WASF3: variants seen among roughly 807,000 people sequenced by gnomAD.
WASF3 encodes the protein actin-binding protein WASF3.
Under a neutral mutation model 46.6 loss-of-function variants are expected in WASF3, and 11 were observed. The observed-to-expected ratio is 0.24, with a 90% CI of 0.15 to 0.39. The LOEUF (loss-of-function observed/expected upper bound fraction) is 0.39. Among genes scored for constraint, WASF3 ranks in the 10% least tolerant of loss-of-function variants. The pLI is 1.00. For missense variants in WASF3, 576 were observed against 669.8 expected, an observed-to-expected ratio of 0.86 and a Z score of 1.55; for synonymous variants, 242 against 259.7, an observed-to-expected ratio of 0.93 and a Z score of 0.65.
intron 2 of WASF3, 104 bp from the exon 3 acceptor site, chr13:26,642,157 A>T: frequency 7.8e-7 from 1 of 1,281,698 alleles, no homozygotes; most frequent in South Asian, 1.7e-5. Context: ...AAATTTTAGG[A>T]TAATGAAAAT....
In WASF3 at chr13:26,667,566, C is replaced by T. The variant is rs1400394761; in HGVS notation, c.318C>T (p.Val106=). ...NMKKAFKSST[V]QDQQVVSKNS... ...AAAAAGCTTTCAAAAGTTCCACAGT[C>T]CAAGACCAGCAAGTGGTTTCAAAGA... Residue 106 remains valine, a synonymous_variant, in exon 5 of 10, where the codon GTC becomes GTT. Transcript: ENST00000335327. 6.2e-7 allele frequency: 1 copy of T among 1,614,118 alleles called. No individual in the cohort carries two copies. The highest frequency in any genetic ancestry group is 1.1e-5 in the South Asian group (1 of 91,070).
intron 3 of WASF3, among the ~76,000 whole-genome samples, chr13:26,648,346 T>C (rs916015938): frequency 6.6e-6 from 1 of 152,208 alleles, no homozygotes. Flanking sequence ...AGTGATTGTT[T>C]TTATTAATAC....
chr13:26,584,677 A>AT (rs1880078885), intron 1 of WASF3, among the ~76,000 whole-genome samples: 1 of 152,248 alleles, frequency 6.6e-6, no homozygotes. Flanking sequence ...TTTGTAAAGC[A>AT]TTCCTCAGTT....
intron 1 of WASF3, among the ~76,000 whole-genome samples, chr13:26,564,771 A>G (rs755850444): frequency 2.0e-5 from 3 of 152,136 alleles, no homozygotes; most frequent in Non-Finnish European, 2.9e-5. Flanking sequence ...ATGTGTTTTG[A>G]TTCATGGTTA....
At chr13:26,630,496 T>C (rs1408243143) in intron 2 of WASF3, among the ~76,000 whole-genome samples, 1 of 152,246 alleles carries the variant, frequency 6.6e-6, no homozygotes, top group Non-Finnish European at 1.5e-5. Flanking sequence ...AACTCATCCT[T>C]TTTTGTGGCT....
At chr13:26,579,186 A>AG (rs1366125087) in intron 1 of WASF3, among the ~76,000 whole-genome samples, 2 of 150,596 alleles carry the variant, frequency 1.3e-5, no homozygotes, top group East Asian at 3.9e-4. Flanking sequence ...TTTTTTTTTA[A>AG]AGATGGGGTC....
chr13:26,662,507 G>A (rs1186632979), intron 3 of WASF3, among the ~76,000 whole-genome samples: 1 of 152,240 alleles, frequency 6.6e-6, no homozygotes, highest in East Asian at 1.9e-4. Context: ...CAACATGGAT[G>A]CAGCTGGAGG....
At chr13:26,545,133 G>C in the WASF3 span, among the ~76,000 whole-genome samples, 3 of 152,156 alleles carry the variant, frequency 2.0e-5, no homozygotes, top group African/African-American at 7.2e-5. Flanking sequence ...GATCGACATG[G>C]GAAACCAGAG....
chr13:26,563,751 C>T (rs922926116), intron 1 of WASF3, among the ~76,000 whole-genome samples: 2 of 149,580 alleles, frequency 1.3e-5, no homozygotes, highest in African/African-American at 4.9e-5. Context: ...TTCTCTGTGC[C>T]TGCACATGTG....
intron 6 of WASF3, among the ~76,000 whole-genome samples, chr13:26,673,735 C>A (rs673042): frequency 0.65 from 99,531 of 152,008 alleles, 33,268 homozygotes; most frequent in African/African-American, 0.78. Context: ...CTTTAAAAGC[C>A]TTAAAAACTT....
At chr13:26,589,608 A>G (rs1187661329) in intron 1 of WASF3, among the ~76,000 whole-genome samples, 1 of 152,034 alleles carries the variant, frequency 6.6e-6, no homozygotes, top group East Asian at 1.9e-4. Context: ...CCATGTTAAT[A>G]CTTTTAGAAT....
intron 1 of WASF3, among the ~76,000 whole-genome samples, chr13:26,578,937 GTTA>G (rs1404596057): frequency 3.7e-5 from 5 of 136,228 alleles, no homozygotes; most frequent in Non-Finnish European, 6.3e-5. Flanking sequence ...TATGATAGTA[GTTA>G]TTATATTGAT....
chr13:26,626,752 T>G lies in WASF3; in HGVS notation c.-11+13694T>G, dbSNP rs532335168. The stretch of plus-strand genomic sequence containing the variant: ...TCAAAGTAGACTTTGGAACAAAGAT[T>G]ATTATTAGGGGTAAATGGGACATTA... On this transcript the variant is annotated intron_variant, in intron 2 of 9. Coordinates refer to ENST00000335327, the MANE Select transcript of WASF3 (RefSeq NM_006646.6). 3.9e-5 allele frequency among the ~76,000 whole-genome samples: 6 copies of G among 152,324 alleles called. No homozygotes were observed. In the South Asian group the frequency reaches 1.2e-3, roughly 32 times the overall value.
intron 2 of WASF3, among the ~76,000 whole-genome samples, chr13:26,621,332 G>A (rs1023490065): frequency 2.0e-5 from 3 of 152,146 alleles, no homozygotes; most frequent in Non-Finnish European, 4.4e-5. Flanking sequence ...CTGAATGTTT[G>A]GAGAGTAGGT....
chr13:26,605,487 A>C (rs1294991129), intron 1 of WASF3, among the ~76,000 whole-genome samples: 1 of 151,968 alleles, frequency 6.6e-6, no homozygotes, highest in Non-Finnish European at 1.5e-5. Flanking sequence ...TAGATTAGGA[A>C]GATGCATTTT....
chr13:26,573,667 T>C (rs948267470), intron 1 of WASF3, among the ~76,000 whole-genome samples: 2 of 152,204 alleles, frequency 1.3e-5, no homozygotes, highest in Non-Finnish European at 2.9e-5. Flanking sequence ...TTCCTTGATT[T>C]AATTACTAGT....
chr13:26,575,360 T>C (rs1340168584), intron 1 of WASF3, among the ~76,000 whole-genome samples: 1 of 152,192 alleles, frequency 6.6e-6, no homozygotes, highest in African/African-American at 2.4e-5. Flanking sequence ...TTATTCTTAG[T>C]TCTACAGTTA....
upstream of WASF3, among the ~76,000 whole-genome samples, chr13:26,555,818 T>TGC: frequency 6.6e-6 from 1 of 152,336 alleles, no homozygotes; most frequent in East Asian, 1.9e-4. Context: ...GCACTTTTAG[T>TGC]CAAGATTCTG....
chr13:26,546,974 C>T, the WASF3 span, among the ~76,000 whole-genome samples: 1 of 152,208 alleles, frequency 6.6e-6, no homozygotes, highest in African/African-American at 2.4e-5. Context: ...CTTACCATGT[C>T]TGAAGCCTCC....
Sources: gnomAD v4.1 joint callset for allele counts (sites outside exome capture counted in the v4.1 genomes callset) on GRCh38, gnomAD v4.1.1 for gene constraint, MANE v1.5 for transcripts, NCBI Gene and HGNC (gene_info 2026-07-23, HGNC 2026-07-21) for gene names.